The following MEMO1 variants were observed in gnomAD, a reference collection of about 807,000 sequenced individuals.
MEMO1 encodes the protein mediator of cell motility 1.
Under a neutral mutation model 45.2 loss-of-function variants are expected in MEMO1, and 6 were observed. The ratio of observed to expected loss-of-function variants is 0.13; its 90% confidence interval spans 0.07 to 0.26. The LOEUF (loss-of-function observed/expected upper bound fraction) is 0.26, where lower values mean the gene tolerates loss of function less well. Ranked by LOEUF, MEMO1 falls within the 10% of genes least tolerant of loss-of-function variation. The pLI, the probability that MEMO1 is intolerant of heterozygous loss-of-function variation, is 1.00. For missense variants in MEMO1, 184 were observed against 370.5 expected (o/e 0.50, Z 4.13); for synonymous variants, 78 against 124.3 (o/e 0.63, Z 2.48).
intron 1 of MEMO1, 160 bp from the exon 2 acceptor site, chr2:32,010,424 G>A (rs968216411): frequency 1.9e-5 from 8 of 416,838 alleles, no homozygotes; most frequent in Non-Finnish European, 3.1e-5. Context: ...CGGCGGCCCA[G>A]GAGGAGGAGA....
rs769833013 is a variant in MEMO1 at position 31,923,414 on chromosome 2, C to G, written c.213-2504G>C. ...TTATTAGCACTGCTAATCCTCACTT[C>G]TTGTCATCACCTCTATCATCAATTC... On this transcript the variant is annotated intron_variant, in intron 4 of 9. Coordinates refer to ENST00000404530, the MANE Select transcript of MEMO1 (RefSeq NM_001301833.4). The G allele has an allele frequency of 1.4e-5, 5 of 356,600 alleles. No individual in the cohort carries two copies. In the Middle Eastern group the frequency reaches 2.0e-3, roughly 141 times the overall value. 22.1% of individuals were successfully genotyped at this position (356,600 alleles called of 1,614,324 possible).
chr2:31,903,165 C>A (rs1480034156), intron 6 of MEMO1, among the ~76,000 whole-genome samples: 1 of 152,064 alleles, frequency 6.6e-6, no homozygotes. Flanking sequence ...GAACATTTCT[C>A]CTCTGTATAA....
At chr2:31,963,548 T>C (rs181661652) in intron 2 of MEMO1, among the ~76,000 whole-genome samples, 218 of 152,324 alleles carry the variant, frequency 1.4e-3, no homozygotes, top group African/African-American at 5.1e-3. Context: ...ATATGAACTG[T>C]GTAGGGTTTT....
rs145862063 is a variant in MEMO1, at chr2:31,998,904, T to C, written c.61+11283A>G. 6.5e-3 allele frequency among the ~76,000 whole-genome samples: 986 copies of C among 152,298 alleles called. 4 individuals carry two copies. Among genetic ancestry groups the C allele is most frequent in the Non-Finnish European group, 0.01 (692 of 68,024 alleles). ...CTCCAGACTCATACATACACTTGAC[T>C]GTACAGTGAACATCTCAAACTTAAA... On this transcript the variant is annotated intron_variant, in intron 2 of 9. Coordinates refer to ENST00000404530, the MANE Select transcript of MEMO1 (RefSeq NM_001301833.4).
At chr2:31,931,777 A>C (rs187259675) in intron 4 of MEMO1, among the ~76,000 whole-genome samples, 8 of 152,278 alleles carry the variant, frequency 5.3e-5, no homozygotes, top group Non-Finnish European at 1.2e-4. Context: ...TTTCTTAAGA[A>C]TGCTCATCTC....
rs1167034488 is a variant in MEMO1, at chr2:31,950,775, CA to C, written c.62-7393del. Among the ~76,000 whole-genome samples, 5 of 148,290 alleles carry C rather than the reference CA, an allele frequency of 3.4e-5. No homozygotes were observed. In the East Asian group the frequency reaches 9.9e-4, roughly 29 times the overall value. On this transcript the variant is annotated intron_variant, in intron 2 of 9. Transcript: ENST00000404530. ...CAATGGAAGTAAAAAATTTAAAAAA[CA>C]AAAAAATACTTATTCAGACAAATAT... is the stretch of plus-strand genomic sequence containing the variant.
intron 4 of MEMO1, among the ~76,000 whole-genome samples, chr2:31,927,975 A>C (rs534250039): frequency 6.6e-6 from 1 of 152,342 alleles, no homozygotes; most frequent in East Asian, 1.9e-4. Context: ...CTACCAATTT[A>C]GCAGCACAGG....
intron 2 of MEMO1, among the ~76,000 whole-genome samples, chr2:31,988,024 G>A (rs1671480842): frequency 2.0e-5 from 3 of 152,108 alleles, no homozygotes; most frequent in Admixed American, 2.0e-4. Flanking sequence ...GGAAGGACTT[G>A]GAGGAGTCAG....
At chr2:31,959,422 A>G (rs897863533) in intron 2 of MEMO1, among the ~76,000 whole-genome samples, 7 of 152,114 alleles carry the variant, frequency 4.6e-5, no homozygotes, top group African/African-American at 1.7e-4. Flanking sequence ...GATACAGTAC[A>G]AGGAAAGCAA....
chr2:31,925,817 G>T (rs1683013254), intron 4 of MEMO1, among the ~76,000 whole-genome samples: 1 of 152,132 alleles, frequency 6.6e-6, no homozygotes, highest in East Asian at 1.9e-4. Flanking sequence ...GTTTAAAAGG[G>T]AGTTCCTAAT....
intron 2 of MEMO1, among the ~76,000 whole-genome samples, chr2:31,943,823 A>G (rs567645922): frequency 3.2e-4 from 49 of 152,270 alleles, no homozygotes; most frequent in Admixed American, 1.2e-3. Flanking sequence ...CTTTTCTTCC[A>G]TCCCACTCCA....
intron 3 of MEMO1, among the ~76,000 whole-genome samples, chr2:31,933,350 TTTATATATA>T (rs1366753785): frequency 2.5e-4 from 3 of 12,242 alleles, no homozygotes; most frequent in African/African-American, 3.3e-4. Context: ...AAAAAAAAAA[TTTATATATA>T]TATATATATA....
At chr2:31,942,708 G>A (rs1028242866) in intron 3 of MEMO1, among the ~76,000 whole-genome samples, 15 of 152,098 alleles carry the variant, frequency 9.9e-5, no homozygotes, top group African/African-American at 3.4e-4. Flanking sequence ...TTTTAGTAGA[G>A]ATGGAGTCTC....
intron 2 of MEMO1, among the ~76,000 whole-genome samples, chr2:31,948,336 T>C (rs2148345420): frequency 6.6e-6 from 1 of 152,338 alleles, no homozygotes. Flanking sequence ...CCACAACTTT[T>C]TCCATTTTTT....
At chr2:31,992,841 T>C (rs1377503977) in intron 2 of MEMO1, among the ~76,000 whole-genome samples, 4 of 151,970 alleles carry the variant, frequency 2.6e-5, no homozygotes, top group Admixed American at 6.6e-5. Flanking sequence ...GAGAATTAAA[T>C]GGGGAACACC....
intron 4 of MEMO1, chr2:31,923,695 GAGAGAAAGGATATTTAACATC>G: frequency 6.5e-7 from 1 of 1,548,078 alleles, no homozygotes; most frequent in South Asian, 1.2e-5. Context: ...TGAAAAGACA[GAGAGAAAGGATATTTAACATC>G]AGAGCACTCC....
chr2:31,930,811 ATTTTTTT>A (rs376524077), intron 4 of MEMO1, among the ~76,000 whole-genome samples: 1 of 126,096 alleles, frequency 7.9e-6, no homozygotes, highest in Admixed American at 7.9e-5. Flanking sequence ...ACGCCTGGCA[ATTTTTTT>A]TTTTTTTTTT....
intron 2 of MEMO1, among the ~76,000 whole-genome samples, chr2:31,983,417 G>A (rs540538654): frequency 6.6e-6 from 1 of 152,224 alleles, no homozygotes; most frequent in East Asian, 1.9e-4. Context: ...CACATTCAAT[G>A]CCCAAATCTT....
At chr2:31,973,712 A>G (rs1669677178) in intron 2 of MEMO1, among the ~76,000 whole-genome samples, 1 of 152,232 alleles carries the variant, frequency 6.6e-6, no homozygotes, top group Non-Finnish European at 1.5e-5. Flanking sequence ...AAGAAGCCAG[A>G]CACAAGAAGT....
Sources: gnomAD v4.1 joint callset for allele counts (sites outside exome capture counted in the v4.1 genomes callset) on GRCh38, gnomAD v4.1.1 for gene constraint, MANE v1.5 for transcripts, NCBI Gene and HGNC (gene_info 2026-07-23, HGNC 2026-07-21) for gene names.